The following SH3GL1 variants were observed in gnomAD, a reference collection of about 807,000 sequenced individuals.
The protein encoded by SH3GL1 is SH3 domain containing GRB2 like 1, endophilin A2.
In SH3GL1, 21 loss-of-function variants were observed where a neutral mutation model predicts 48.8. The ratio of observed to expected loss-of-function variants is 0.43; its 90% CI spans 0.30 to 0.62. The LOEUF is 0.62. SH3GL1 is among the 20% of genes least tolerant of loss of function. The pLI is 0.11. For synonymous variants in SH3GL1, 282 were observed against 217.5 expected, an observed-to-expected ratio of 1.30 and a Z score of -2.61; for missense variants, 454 against 503.0, an observed-to-expected ratio of 0.90 and a Z score of 0.93.
Position 4,361,226 on chromosome 19 carries a change from C to T in SH3GL1, c.*374G>A, listed in dbSNP as rs542330595. 876 of 314,406 alleles carry T rather than the reference C, an allele frequency of 2.8e-3. 7 individuals are homozygous for T. Among genetic ancestry groups the T allele is most frequent in the South Asian group, 9.9e-3 (174 of 17,506 alleles). 19.5% of individuals were successfully genotyped at this position (314,406 alleles called of 1,614,324 possible). On this transcript the variant is annotated 3_prime_UTR_variant, in exon 10 of 10. Coordinates refer to ENST00000269886, the MANE Select transcript of SH3GL1 (RefSeq NM_003025.4). ...GAGGGTAGGCAGTGGGCCGGGCCCCCGTCGGGTCAGGACGGAGGTGGGGGC... is the reference window on the plus strand; with the variant it reads ...GAGGGTAGGCAGTGGGCCGGGCCCCTGTCGGGTCAGGACGGAGGTGGGGGC...
Position 4,389,826 on chromosome 19 carries a change from A to G in SH3GL1, c.45+10498T>C, listed in dbSNP as rs569273989. The stretch of plus-strand genomic sequence containing the variant: ...GGGCTCATATTCCAGTGGCAACGGC[A>G]ATGGAATAATCACTCCCATTGGCAT... On this transcript the variant is annotated intron_variant, in intron 1 of 9. Coordinates refer to ENST00000269886, the MANE Select transcript of SH3GL1 (RefSeq NM_003025.4). This position sits in a 1 kb window ranked among gnomAD's most constrained non-coding sequence, Gnocchi z 4.5. Among the ~76,000 whole-genome samples the G allele has an allele frequency of 2.6e-5, 4 of 152,322 alleles. No individual in the cohort carries two copies. Among genetic ancestry groups the G allele is most frequent in the South Asian group, 4.1e-4 (2 of 4,826 alleles).
intron 3 of SH3GL1, among the ~76,000 whole-genome samples, chr19:4,366,290 C>T (rs978840639): frequency 3.9e-5 from 6 of 152,252 alleles, no homozygotes; most frequent in East Asian, 1.9e-4. Context: ...AGGAACCAGT[C>T]GGCATGAGAG....
At chr19:4,386,899 G>A (rs990101273) in intron 1 of SH3GL1, among the ~76,000 whole-genome samples, 4 of 152,310 alleles carry the variant, frequency 2.6e-5, no homozygotes, top group Non-Finnish European at 5.9e-5. Flanking sequence ...GAATCACGTG[G>A]TCAGAACACA....
At position 4,400,442 on chromosome 19, in the gene SH3GL1, G is replaced by C; in HGVS notation, c.-74C>G. The C allele has an allele frequency of 7.1e-7, 1 of 1,412,316 alleles. No individual in the cohort carries two copies. The highest frequency in any genetic ancestry group is 1.4e-5 in the South Asian group (1 of 69,398). The allele number at this position is 1,412,316 out of a possible 1,614,324, so 87.5% of individuals were successfully genotyped here. A position where few individuals can be genotyped will look rare whatever the true frequency, so the allele number is the denominator to read the frequency against. On this transcript the variant is annotated 5_prime_UTR_variant, in exon 1 of 10. Coordinates refer to ENST00000269886, the MANE Select transcript of SH3GL1 (RefSeq NM_003025.4). This position sits in a 1 kb window ranked among gnomAD's most constrained non-coding sequence, Gnocchi z 4.1. ...CTCCCGGGCGCCGCCGACCCTCTGC[G>C]CGCCTCAGCAGTCCCCGTCGGCGCC...
At chr19:4,379,613 C>T (rs552477340) in intron 1 of SH3GL1, among the ~76,000 whole-genome samples, 225 of 152,174 alleles carry the variant, frequency 1.5e-3, no homozygotes, top group Non-Finnish European at 8.8e-4. Flanking sequence ...GTCTTCCTAC[C>T]AGCTGGGAAC....
intron 1 of SH3GL1, among the ~76,000 whole-genome samples, chr19:4,374,460 C>T (rs1263792175): frequency 6.6e-6 from 1 of 152,228 alleles, no homozygotes; most frequent in Non-Finnish European, 1.5e-5. Context: ...GGAGTCCAGC[C>T]CACACTGCCT....
intron 1 of SH3GL1, among the ~76,000 whole-genome samples, chr19:4,384,598 A>C (rs1222999073): frequency 6.6e-6 from 1 of 152,146 alleles, no homozygotes. Flanking sequence ...TAAGCAAGGT[A>C]CCGCACTGGA....
At position 4,361,010 on chromosome 19, in the gene SH3GL1, G is replaced by C. The variant is rs1020993474; in HGVS notation, c.*590C>G. The C allele has an allele frequency of 4.3e-6, 1 of 234,072 alleles. No individual in the cohort carries two copies. The highest frequency in any genetic ancestry group is 6.0e-5 in the East Asian group (1 of 16,582). 14.5% of individuals were successfully genotyped at this position (234,072 alleles called of 1,614,324 possible). A position where few individuals can be genotyped will look rare whatever the true frequency, so the allele number is the denominator to read the frequency against. On this transcript the variant is annotated 3_prime_UTR_variant, in exon 10 of 10. Coordinates refer to ENST00000269886, the MANE Select transcript of SH3GL1 (RefSeq NM_003025.4). ...CGGGCTGCAAGCTGACAGCAGGCCC[G>C]GGAGGCGGTGAGGCCCTCTGCCCTG...
intron 7 of SH3GL1, 63 bp downstream of exon 7, chr19:4,363,307 A>G: frequency 8.0e-7 from 1 of 1,246,894 alleles, no homozygotes. Context: ...TGTGCTGCCC[A>G]CTTGCGCTGG....
intron 1 of SH3GL1, among the ~76,000 whole-genome samples, chr19:4,384,913 G>A (rs1973207108): frequency 6.6e-6 from 1 of 152,146 alleles, no homozygotes; most frequent in South Asian, 2.1e-4. Context: ...AGACTAGCCT[G>A]GCCAACATGG....
intron 1 of SH3GL1, chr19:4,395,584 G>A (rs1174060603): frequency 2.0e-5 from 3 of 152,136 alleles, no homozygotes; most frequent in Admixed American, 6.6e-5. Flanking sequence ...GCCACAATAC[G>A]TATATATGAT....
chr19:4,382,719 C>T (rs1035967249), intron 1 of SH3GL1, among the ~76,000 whole-genome samples: 14 of 152,126 alleles, frequency 9.2e-5, no homozygotes, highest in Non-Finnish European at 1.0e-4. Context: ...GAGGGGCAGC[C>T]GTGGCGGGTG....
intron 1 of SH3GL1, among the ~76,000 whole-genome samples, chr19:4,377,844 T>C (rs1220024642): frequency 6.6e-6 from 1 of 151,720 alleles, no homozygotes; most frequent in East Asian, 1.9e-4. Flanking sequence ...ATGGCCCGAG[T>C]CCCCCCACCA....
rs776407605 is a variant in SH3GL1 at position 4,367,029 on chromosome 19, AG to A, written c.46-36del. The A allele has an allele frequency of 4.3e-5, 69 of 1,597,954 alleles. 1 individual carries two copies. In the South Asian group the frequency reaches 7.2e-4, roughly 17 times the overall value. On this transcript the variant is annotated intron_variant, in intron 1 of 9. Coordinates refer to ENST00000269886, the MANE Select transcript of SH3GL1 (RefSeq NM_003025.4). This position sits in a 1 kb window ranked among gnomAD's most constrained non-coding sequence, Gnocchi z 4.2. ...AGAAGAGGGGAAACGCTGTGAGCCC[AG>A]GGGTAGGAGGAAGAAGAGGACAGGA... is the stretch of plus-strand genomic sequence containing the variant.
At chr19:4,378,780 G>A (rs1048750476) in intron 1 of SH3GL1, among the ~76,000 whole-genome samples, 5 of 152,180 alleles carry the variant, frequency 3.3e-5, no homozygotes, top group Admixed American at 6.5e-5. Flanking sequence ...TGTGCACTGA[G>A]CAACTGAGTC....
chr19:4,374,465 C>T (rs746265079), intron 1 of SH3GL1, among the ~76,000 whole-genome samples: 15 of 152,262 alleles, frequency 9.9e-5, no homozygotes, highest in Admixed American at 4.6e-4. Context: ...CCAGCCCACA[C>T]TGCCTTTCTG....
chr19:4,375,240 T>A (rs1217275422), intron 1 of SH3GL1, among the ~76,000 whole-genome samples: 1 of 152,010 alleles, frequency 6.6e-6, no homozygotes, highest in African/African-American at 2.4e-5. Flanking sequence ...AGCCCCCACC[T>A]GGCCCAGCTG....
intron 1 of SH3GL1, among the ~76,000 whole-genome samples, chr19:4,379,567 G>A (rs1460543302): frequency 6.6e-6 from 1 of 152,030 alleles, no homozygotes; most frequent in African/African-American, 2.4e-5. Flanking sequence ...CAGCCGCTGC[G>A]CCCTCTCTCC....
intron 1 of SH3GL1, among the ~76,000 whole-genome samples, chr19:4,382,253 C>CTTTTTT (rs34085741): frequency 5.1e-4 from 52 of 102,352 alleles, no homozygotes; most frequent in Non-Finnish European, 8.4e-4. Flanking sequence ...GCTCCGCTTT[C>CTTTTTT]TTTTTTTTTT....
Sources: gnomAD v4.1 joint callset for allele counts (sites outside exome capture counted in the v4.1 genomes callset) on GRCh38, gnomAD v4.1.1 for gene constraint, Gnocchi (gnomAD v3.1) non-coding constraint, MANE v1.5 for transcripts, NCBI Gene and HGNC (gene_info 2026-07-23, HGNC 2026-07-21) for gene names.